AGK: variants seen among roughly 807,000 people sequenced by gnomAD.
AGK encodes acylglycerol kinase, also known as acylglycerol kinase, mitochondrial.
Under a neutral mutation model 66.4 loss-of-function variants are expected in AGK, and 52 were observed. That is an observed-to-expected ratio of 0.78 (90% CI 0.63 to 0.99). The LOEUF is 0.99. Ranked by LOEUF, AGK falls within the 50% of genes least tolerant of loss-of-function variation. The pLI is 0.00. For missense variants in AGK, 451 were observed against 506.6 expected, an observed-to-expected ratio of 0.89 and a Z score of 1.05; for synonymous variants, 182 against 181.1, an observed-to-expected ratio of 1.00 and a Z score of -0.04.
intron 12 of AGK, 31 bp downstream of exon 12, chr7:141,641,429 GC>G: frequency 6.3e-7 from 1 of 1,597,092 alleles, no homozygotes; most frequent in African/African-American, 1.4e-5. Context: ...AGATTGGAGG[GC>G]CCTGGTCAGT....
chr7:141,630,851 C>T (rs998682798), intron 9 of AGK, among the ~76,000 whole-genome samples: 3 of 152,048 alleles, frequency 2.0e-5, no homozygotes, highest in Admixed American at 6.5e-5. Flanking sequence ...AAAATCATGG[C>T]GGAACAACGG....
chr7:141,623,393 G>GA (rs747528988), intron 9 of AGK, among the ~76,000 whole-genome samples: 22 of 104,798 alleles, frequency 2.1e-4, no homozygotes, highest in South Asian at 6.3e-4. Context: ...AAAAAAAAAA[G>GA]AAAAAAAAAA....
At chr7:141,571,256 A>C (rs144623658) in intron 2 of AGK, among the ~76,000 whole-genome samples, 1 of 152,228 alleles carries the variant, frequency 6.6e-6, no homozygotes, top group East Asian at 1.9e-4. Flanking sequence ...TTGTTCCTCT[A>C]TCCCTCCTGT....
At chr7:141,605,389 A>C (rs1796436898) in intron 5 of AGK, among the ~76,000 whole-genome samples, 1 of 152,148 alleles carries the variant, frequency 6.6e-6, no homozygotes, top group African/African-American at 2.4e-5. Context: ...TAGATTCACT[A>C]ATCTTGAGCA....
At chr7:141,563,047 C>G (rs1205511310) in intron 2 of AGK, among the ~76,000 whole-genome samples, 1 of 152,160 alleles carries the variant, frequency 6.6e-6, no homozygotes, top group South Asian at 2.1e-4. Flanking sequence ...GGTGGGTTTT[C>G]CCCCCTCACA....
chr7:141,639,207 T>C (rs1797234771), intron 11 of AGK, among the ~76,000 whole-genome samples: 1 of 152,188 alleles, frequency 6.6e-6, no homozygotes. Context: ...CAAAGTGTGG[T>C]GGCTGAAGCC....
At chr7:141,627,166 C>T (rs1338807264) in intron 9 of AGK, among the ~76,000 whole-genome samples, 2 of 152,246 alleles carry the variant, frequency 1.3e-5, no homozygotes, top group Middle Eastern at 3.4e-3. Flanking sequence ...TAAGAAGGTC[C>T]AGTAGCTGTT....
At chr7:141,615,638 A>G (rs1796687451) in intron 8 of AGK, 73 bp downstream of exon 8, 2 of 1,199,556 alleles carry the variant, frequency 1.7e-6, no homozygotes, top group Admixed American at 1.7e-5. Flanking sequence ...TGTGTATGCT[A>G]TAACTTTCTT....
In AGK at chr7:141,653,064, C is replaced by A; in HGVS notation, c.*140C>A. On this transcript the variant is annotated 3_prime_UTR_variant, in exon 16 of 16. Coordinates refer to ENST00000649286, the MANE Select transcript of AGK (RefSeq NM_018238.4). ...TGGCAAGTACCCCTCTGCCCCCACTCCAGCAGTGCTTCCCAAAGTGTGCTC... is the reference window on the plus strand; with the variant it reads ...TGGCAAGTACCCCTCTGCCCCCACTACAGCAGTGCTTCCCAAAGTGTGCTC... The A allele has an allele frequency of 1.1e-6, 1 of 932,240 alleles. No homozygotes were observed. Among genetic ancestry groups the A allele is most frequent in the Non-Finnish European group, 1.6e-6 (1 of 629,238 alleles). 57.7% of individuals were successfully genotyped at this position (932,240 alleles called of 1,614,324 possible).
At chr7:141,576,108 A>T (rs1003602059) in intron 2 of AGK, among the ~76,000 whole-genome samples, 1 of 152,186 alleles carries the variant, frequency 6.6e-6, no homozygotes, top group Non-Finnish European at 1.5e-5. Flanking sequence ...TTGCCTTGTT[A>T]AATATACCAC....
intron 2 of AGK, among the ~76,000 whole-genome samples, chr7:141,558,612 A>T (rs1422574360): frequency 6.6e-6 from 1 of 152,080 alleles, no homozygotes; most frequent in African/African-American, 2.4e-5. Context: ...CCTCTTGGAG[A>T]TCCTGTTTTT....
intron 5 of AGK, among the ~76,000 whole-genome samples, chr7:141,604,374 G>GTGTGTATATATA (rs1554400830): frequency 8.8e-6 from 1 of 113,826 alleles, no homozygotes; most frequent in African/African-American, 3.4e-5. Context: ...GTGTGTGTGT[G>GTGTGTATATATA]TATATATATA....
chr7:141,559,469 A>G (rs1039312400), intron 2 of AGK, among the ~76,000 whole-genome samples: 8 of 152,134 alleles, frequency 5.3e-5, no homozygotes, highest in African/African-American at 1.9e-4. Context: ...TCATTAGTCT[A>G]TATATCTGTA....
At chr7:141,614,920 A>G (rs771289071) in intron 7 of AGK, among the ~76,000 whole-genome samples, 1 of 152,230 alleles carries the variant, frequency 6.6e-6, no homozygotes, top group Non-Finnish European at 1.5e-5. Flanking sequence ...CTTTGGTAAT[A>G]GTACATTGTG....
Position 141,642,545 on chromosome 7 carries a change from C to T in AGK, c.975+637C>T, listed in dbSNP as rs114939671. Among the ~76,000 whole-genome samples the T allele has an allele frequency of 8.5e-3, 1,288 of 152,224 alleles. 18 individuals are homozygous for T. Among genetic ancestry groups the T allele is most frequent in the African/African-American group, 0.029 (1,224 of 41,562 alleles). On this transcript the variant is annotated intron_variant, in intron 13 of 15. Transcript: ENST00000649286. ...GGAAAGCACAGGTATACAGCCTGTC[C>T]GTCAGTGCAGAAGGTTCTGTTGGGT...
In AGK at chr7:141,641,274, T is replaced by C; in HGVS notation, c.753T>C (p.Ser251=). The part of the protein sequence containing the change: ...LKEWPQTHQA[S]ISYTGPTERP... ...AGTGGCCTCAGACTCATCAAGCCTC[T>C]ATCTCATACACGGGACCTACAGAGA... Residue 251 remains serine (S), a synonymous_variant, in exon 12 of 16, where the codon TCT becomes TCC. Coordinates refer to ENST00000649286, the MANE Select transcript of AGK (RefSeq NM_018238.4). 1.2e-6 allele frequency: 2 copies of C among 1,613,878 alleles called. No individual in the cohort carries two copies. The highest frequency in any genetic ancestry group is 8.5e-7 in the Non-Finnish European group (1 of 1,179,900).
intron 11 of AGK, among the ~76,000 whole-genome samples, chr7:141,637,476 G>C (rs1002659075): frequency 6.6e-6 from 1 of 152,106 alleles, no homozygotes; most frequent in African/African-American, 2.4e-5. Flanking sequence ...TACTGTATTG[G>C]AGAGTATAGA....
At chr7:141,651,454 G>A (rs1306183284) in intron 14 of AGK, 71 bp from the exon 15 acceptor site, 50 of 1,268,604 alleles carry the variant, frequency 3.9e-5, no homozygotes, top group Non-Finnish European at 5.4e-5. Flanking sequence ...GGGGAAAGAA[G>A]TTGCTACATT....
intron 8 of AGK, among the ~76,000 whole-genome samples, chr7:141,620,499 A>C (rs1194331940): frequency 6.7e-6 from 1 of 148,334 alleles, no homozygotes; most frequent in Non-Finnish European, 1.5e-5. Flanking sequence ...GACATAGGGC[A>C]AACTGCTGCC....
Sources: allele counts gnomAD v4.1 joint callset (sites outside exome capture counted in the v4.1 genomes callset), GRCh38; gene constraint gnomAD v4.1.1; transcripts MANE v1.5; gene names NCBI Gene and HGNC (gene_info 2026-07-23, HGNC 2026-07-21).